The following SUCLG1 variants were observed in gnomAD, a reference collection of about 807,000 sequenced individuals.
SUCLG1 encodes the protein succinate-CoA ligase GDP/ADP-forming subunit alpha.
In SUCLG1, 26 loss-of-function variants were observed where a neutral mutation model predicts 37.3. The ratio of observed to expected loss-of-function variants is 0.70; its 90% CI spans 0.51 to 0.97. The LOEUF (loss-of-function observed/expected upper bound fraction) is 0.97. SUCLG1 is among the 50% of genes least tolerant of loss of function. The probability of loss-of-function intolerance (pLI) is 0.00; values close to 1 mark genes in which losing one functional copy is unlikely to be tolerated. For missense variants in SUCLG1, 433 were observed against 432.9 expected, an observed-to-expected ratio of 1.00 and a Z score of 0.00; for synonymous variants, 163 against 155.6, an observed-to-expected ratio of 1.05 and a Z score of -0.36.
chr2:84,459,202 G>T lies in SUCLG1; in HGVS notation c.68C>A (p.Ala23Asp), dbSNP rs1673107563. ...TMVSGSSGLA[A>D]ARLLSRSFLL... ...GAAGCTGCGCGACAGGAGACGGGCG[G>T]CGGCGAGGCCGCTGCTGCCGGAGAC... is the stretch of plus-strand genomic sequence containing the variant. Residue 23 changes from alanine (A) to aspartate (D), a missense_variant, in exon 1 of 9, where the codon GCC (alanine) becomes GAC (aspartate). Transcript: ENST00000393868. 1 of 1,549,968 alleles carries T rather than the reference G, an allele frequency of 6.5e-7. No homozygotes were observed. Among genetic ancestry groups the T allele is most frequent in the African/African-American group, 1.4e-5 (1 of 73,046 alleles).
intron 7 of SUCLG1, among the ~76,000 whole-genome samples, chr2:84,428,018 G>A (rs1016022822): frequency 1.3e-5 from 2 of 152,154 alleles, no homozygotes; most frequent in Non-Finnish European, 2.9e-5. Flanking sequence ...CAGCATGCAA[G>A]GAGCTACATG....
chr2:84,458,969 C>CCTA (rs1418476649), intron 1 of SUCLG1, among the ~76,000 whole-genome samples: 1 of 152,200 alleles, frequency 6.6e-6, no homozygotes, highest in Non-Finnish European at 1.5e-5. Flanking sequence ...CTGCCAGCGG[C>CCTA]CTAAGTCATG....
intron 1 of SUCLG1, among the ~76,000 whole-genome samples, chr2:84,450,552 T>C (rs976952711): frequency 6.6e-6 from 1 of 152,158 alleles, no homozygotes; most frequent in African/African-American, 2.4e-5. Context: ...AATTTTGGGC[T>C]ACCTTCTAAA....
chr2:84,431,232 C>T (rs1181197109), intron 7 of SUCLG1, among the ~76,000 whole-genome samples: 1 of 152,120 alleles, frequency 6.6e-6, no homozygotes, highest in Non-Finnish European at 1.5e-5. Flanking sequence ...GGCTCTCGGG[C>T]TGATGGCCTG....
In SUCLG1 at chr2:84,431,568, A is replaced by G; in HGVS notation, c.765T>C (p.Ile255=). The G allele has an allele frequency of 6.2e-7, 1 of 1,614,108 alleles. No individual in the cohort carries two copies. The highest frequency in any genetic ancestry group is 8.5e-7 in the Non-Finnish European group (1 of 1,179,968). Residue 255 remains isoleucine (I), a synonymous_variant, in exon 7 of 9, where the codon ATT becomes ATC. Coordinates refer to ENST00000393868, the MANE Select transcript of SUCLG1 (RefSeq NM_003849.4). The part of the protein sequence containing the change: ...NDSATEGIIL[I]GEIGGNAEEN... ...CTTCTGCATTACCACCAATTTCACCAATCAATATGATGCCTTCTGTGGCAG... is the reference window on the plus strand; with the variant it reads ...CTTCTGCATTACCACCAATTTCACCGATCAATATGATGCCTTCTGTGGCAG...
intron 5 of SUCLG1, among the ~76,000 whole-genome samples, chr2:84,438,209 C>A (rs1425173499): frequency 1.3e-5 from 2 of 152,180 alleles, no homozygotes. Flanking sequence ...ATTGGGCTAA[C>A]TGGATAAAGG....
intron 1 of SUCLG1, among the ~76,000 whole-genome samples, chr2:84,453,424 A>T (rs2886213): frequency 0.96 from 146,500 of 151,892 alleles, 70,697 homozygotes; most frequent in East Asian, 1. Flanking sequence ...TATTATTATT[A>T]TTTTTTTTGA....
In SUCLG1 at chr2:84,455,749, C is replaced by T. The variant is rs555320739; in HGVS notation, c.97+3424G>A. Among the ~76,000 whole-genome samples the T allele has an allele frequency of 1.2e-3, 176 of 149,602 alleles. 2 individuals are homozygous for T. Among genetic ancestry groups the T allele is most frequent in the African/African-American group, 4.1e-3 (165 of 40,530 alleles). On this transcript the variant is annotated intron_variant, in intron 1 of 8. Coordinates refer to ENST00000393868, the MANE Select transcript of SUCLG1 (RefSeq NM_003849.4). ...TACTGGGGAGGCTGAGGCAGGAGAA[C>T]GGCTTGAACCTGGGAGGCGGAGCTT...
chr2:84,440,743 T>G (rs1017824991), intron 5 of SUCLG1, among the ~76,000 whole-genome samples: 1 of 152,220 alleles, frequency 6.6e-6, no homozygotes, highest in African/African-American at 2.4e-5. Context: ...GTTATAACAG[T>G]TAATGAAATT....
At position 84,423,550 on chromosome 2, in the gene SUCLG1, T is replaced by C. The variant is rs953733356; in HGVS notation, c.*196A>G. ...ATATTGAAATCAAATAGTAGATTTA[T>C]TGGCTGTCTCTGTAATACAATGTGG... On this transcript the variant is annotated 3_prime_UTR_variant, in exon 9 of 9. Transcript: ENST00000393868. 5.2e-5 allele frequency: 33 copies of C among 631,794 alleles called. No homozygotes were observed. The highest frequency in any genetic ancestry group is 9.2e-5 in the Non-Finnish European group (32 of 349,356). The allele number at this position is 631,794 out of a possible 1,614,324, so 39.1% of individuals were successfully genotyped here. A position where few individuals can be genotyped will look rare whatever the true frequency, so the allele number is the denominator to read the frequency against.
chr2:84,451,830 C>T (rs1254972535), intron 1 of SUCLG1, among the ~76,000 whole-genome samples: 1 of 152,144 alleles, frequency 6.6e-6, no homozygotes, highest in Non-Finnish European at 1.5e-5. Context: ...CCCATCTACA[C>T]ACCAGGCCTG....
At chr2:84,455,562 T>A (rs1381678117) in intron 1 of SUCLG1, among the ~76,000 whole-genome samples, 1 of 151,868 alleles carries the variant, frequency 6.6e-6, no homozygotes, top group African/African-American at 2.4e-5. Flanking sequence ...TAAAAAAATG[T>A]GGGTCTATCA....
At chr2:84,434,820 G>A (rs1460707) in intron 5 of SUCLG1, among the ~76,000 whole-genome samples, 123,162 of 152,140 alleles carry the variant, frequency 0.81, 52,661 homozygotes, top group Non-Finnish European at 0.93. Context: ...ATACTAATGC[G>A]TACTAAGTGT....
chr2:84,450,369 A>G (rs888444882), intron 1 of SUCLG1, among the ~76,000 whole-genome samples: 1 of 152,034 alleles, frequency 6.6e-6, no homozygotes, highest in Non-Finnish European at 1.5e-5. Context: ...CAGGGAAAAT[A>G]AAACAAATAG....
At chr2:84,431,362 A>T in intron 7 of SUCLG1, 146 bp downstream of exon 7, 1 of 892,190 alleles carries the variant, frequency 1.1e-6, no homozygotes, top group Non-Finnish European at 1.7e-6. Context: ...GAATTGTCTG[A>T]GTGTCCAGTA....
intron 1 of SUCLG1, among the ~76,000 whole-genome samples, chr2:84,457,729 T>A (rs556381273): frequency 2.2e-4 from 34 of 152,262 alleles, no homozygotes; most frequent in African/African-American, 7.5e-4. Flanking sequence ...CCACTATCTA[T>A]TCAAATTAAG....
rs1672640851 is a variant in SUCLG1 at position 84,433,497 on chromosome 2, A to G, written c.590-62T>C. ...TTCTATGTTAGACTAAAACATGGTAAACTAAATTACCAAACACTTCGAGTG... is the reference window on the plus strand; with the variant it reads ...TTCTATGTTAGACTAAAACATGGTAGACTAAATTACCAAACACTTCGAGTG... On this transcript the variant is annotated intron_variant, in intron 5 of 8. Coordinates refer to ENST00000393868, the MANE Select transcript of SUCLG1 (RefSeq NM_003849.4). 3.5e-6 allele frequency: 5 copies of G among 1,411,428 alleles called. No homozygotes were observed. In the Admixed American group the frequency reaches 8.7e-5, roughly 24 times the overall value. 87.4% of individuals were successfully genotyped at this position (1,411,428 alleles called of 1,614,324 possible).
chr2:84,451,150 C>T (rs1293087149), intron 1 of SUCLG1, among the ~76,000 whole-genome samples: 2 of 152,184 alleles, frequency 1.3e-5, no homozygotes. Context: ...TTGGCTTCCA[C>T]TTCTCCCAGC....
At chr2:84,455,848 A>AC (rs1247688111) in intron 1 of SUCLG1, among the ~76,000 whole-genome samples, 1 of 152,006 alleles carries the variant, frequency 6.6e-6, no homozygotes, top group Non-Finnish European at 1.5e-5. Flanking sequence ...AACAAAAAAA[A>AC]AAAAAAAAAA....
Sources: gnomAD v4.1 joint callset for allele counts (sites outside exome capture counted in the v4.1 genomes callset) on GRCh38, gnomAD v4.1.1 for gene constraint, MANE v1.5 for transcripts, NCBI Gene and HGNC (gene_info 2026-07-23, HGNC 2026-07-21) for gene names.